P4HA3: variants seen among roughly 807,000 people sequenced by gnomAD.
P4HA3 encodes the protein prolyl 4-hydroxylase subunit alpha 3.
P4HA3 carries 60 observed loss-of-function variants against 66.7 expected under a neutral mutation model. The observed-to-expected ratio is 0.90, with a 90% CI of 0.73 to 1.12. The LOEUF is 1.12. Among genes scored for constraint, P4HA3 ranks in the 50% most tolerant of loss-of-function variants. The pLI is 0.00. For synonymous variants in P4HA3, 263 were observed against 274.6 expected (o/e 0.96, Z 0.42); for missense variants, 683 against 685.8 (o/e 1.00, Z 0.05).
intron 4 of P4HA3, 124 bp downstream of exon 4, chr11:74,298,088 C>A: frequency 8.3e-7 from 1 of 1,203,076 alleles, no homozygotes; most frequent in Non-Finnish European, 1.1e-6. Flanking sequence ...CCCTGCTTGG[C>A]TCAGTTTGGT....
chr11:74,295,245 T>C (rs1466327496), intron 4 of P4HA3, among the ~76,000 whole-genome samples: 1 of 152,114 alleles, frequency 6.6e-6, no homozygotes, highest in African/African-American at 2.4e-5. Context: ...ACAAAGTTAG[T>C]GGAGGGAAGC....
At chr11:74,297,966 A>T (rs1429960795) in intron 4 of P4HA3, among the ~76,000 whole-genome samples, 1 of 152,230 alleles carries the variant, frequency 6.6e-6, no homozygotes, top group African/African-American at 2.4e-5. Context: ...TGCATTGGAA[A>T]GAGCACTGGA....
intron 3 of P4HA3, among the ~76,000 whole-genome samples, chr11:74,298,930 G>A (rs987933380): frequency 1.3e-5 from 2 of 152,230 alleles, no homozygotes; most frequent in Non-Finnish European, 2.9e-5. Context: ...AGTCTTGAAT[G>A]TCATATTTTT....
chr11:74,305,759 A>C, intron 1 of P4HA3, among the ~76,000 whole-genome samples: 1 of 152,312 alleles, frequency 6.6e-6, no homozygotes. Flanking sequence ...TTTTTTTCTC[A>C]TCATTCTATA....
At chr11:74,297,584 A>G (rs577682957) in intron 4 of P4HA3, among the ~76,000 whole-genome samples, 1 of 152,310 alleles carries the variant, frequency 6.6e-6, no homozygotes, top group East Asian at 1.9e-4. Flanking sequence ...GTTTATTGGC[A>G]GCTGCTTTAT....
chr11:74,296,133 G>A lies in P4HA3; in HGVS notation c.717+2079C>T, dbSNP rs534719382. ...TTATCCAGTAAGTAGCATGTGCCACGCACGCATTCTGTTAAGGGCTTTGCC... is the reference window on the plus strand; with the variant it reads ...TTATCCAGTAAGTAGCATGTGCCACACACGCATTCTGTTAAGGGCTTTGCC... On this transcript the variant is annotated intron_variant, in intron 4 of 12. Transcript: ENST00000331597. Among the ~76,000 whole-genome samples the A allele has an allele frequency of 9.9e-5, 15 of 152,258 alleles. No homozygotes were observed. The South Asian group carries it at 1.2e-3, about 13-fold the overall frequency.
At chr11:74,257,052 T>C (rs1357775600) in intron 15 of P4HA3, among the ~76,000 whole-genome samples, 3 of 152,212 alleles carry the variant, frequency 2.0e-5, no homozygotes, top group South Asian at 2.1e-4. Context: ...AGTGACCACG[T>C]TGTAAGAAGG....
intron 1 of P4HA3, among the ~76,000 whole-genome samples, chr11:74,305,409 TTAA>T (rs1861551164): frequency 6.6e-6 from 1 of 150,960 alleles, no homozygotes; most frequent in South Asian, 2.1e-4. Context: ...TAGTGTAGAT[TTAA>T]TTTTACCCAT....
intron 1 of P4HA3, among the ~76,000 whole-genome samples, chr11:74,310,838 C>T (rs1374137360): frequency 6.6e-6 from 1 of 152,224 alleles, no homozygotes; most frequent in African/African-American, 2.4e-5. Context: ...TGTCACCTGA[C>T]TCCTAACACT....
chr11:74,262,177 C>T (rs941446746), downstream of P4HA3, among the ~76,000 whole-genome samples: 4 of 152,146 alleles, frequency 2.6e-5, no homozygotes, highest in African/African-American at 9.7e-5. Flanking sequence ...AAAACACTGT[C>T]ACCACGCAGG....
chr11:74,266,870 C>T lies in P4HA3; in HGVS notation c.*378G>A, dbSNP rs1032638653. 1 of 760,412 alleles carries T rather than the reference C, an allele frequency of 1.3e-6. No individual in the cohort carries two copies. The highest frequency in any genetic ancestry group is 2.1e-6 in the Non-Finnish European group (1 of 487,270). The allele number at this position is 760,412 out of a possible 1,614,324, so 47.1% of individuals were successfully genotyped here. A position where few individuals can be genotyped will look rare whatever the true frequency, so the allele number is the denominator to read the frequency against. ...TCAGGCTAGCCCCTCCTGCAGGTGT[C>T]CTCATTGCCACTTCTTGGTCCCTGT... On this transcript the variant is annotated 3_prime_UTR_variant, in exon 13 of 13. Coordinates refer to ENST00000331597, the MANE Select transcript of P4HA3 (RefSeq NM_182904.5).
intron 4 of P4HA3, among the ~76,000 whole-genome samples, chr11:74,297,676 G>T (rs189862158): frequency 1.3e-5 from 2 of 152,312 alleles, no homozygotes; most frequent in African/African-American, 4.8e-5. Flanking sequence ...CCTGGAGGAG[G>T]CACTGTGGCT....
At chr11:74,309,815 G>C (rs1044122344) in intron 1 of P4HA3, among the ~76,000 whole-genome samples, 7 of 152,100 alleles carry the variant, frequency 4.6e-5, no homozygotes, top group African/African-American at 1.7e-4. Flanking sequence ...CATACTTAAG[G>C]ACAAGCACCA....
chr11:74,270,513 C>T (rs1860158892), intron 10 of P4HA3, among the ~76,000 whole-genome samples: 1 of 147,108 alleles, frequency 6.8e-6, no homozygotes. Context: ...ATCATTGTAC[C>T]ATCCAGAAAA....
At chr11:74,298,020 T>C (rs1429890453) in intron 4 of P4HA3, among the ~76,000 whole-genome samples, 192 bp downstream of exon 4, 1 of 152,226 alleles carries the variant, frequency 6.6e-6, no homozygotes, top group Non-Finnish European at 1.5e-5. Context: ...GACAAGTTAA[T>C]AGTCTTTTGG....
chr11:74,263,189 A>G (rs1469677091), downstream of P4HA3, among the ~76,000 whole-genome samples: 1 of 152,264 alleles, frequency 6.6e-6, no homozygotes, highest in African/African-American at 2.4e-5. Context: ...AAGGGCAGTG[A>G]GCAGGTCGTC....
intron 7 of P4HA3, 98 bp downstream of exon 7, chr11:74,285,711 G>A: frequency 7.7e-7 from 1 of 1,293,642 alleles, no homozygotes; most frequent in Non-Finnish European, 1.1e-6. Context: ...TTGGCTCTTT[G>A]AGGTGTCTAG....
At chr11:74,280,836 C>G (rs1860567761) in intron 7 of P4HA3, among the ~76,000 whole-genome samples, 1 of 152,180 alleles carries the variant, frequency 6.6e-6, no homozygotes, top group African/African-American at 2.4e-5. Flanking sequence ...GTCCCTCCTG[C>G]TAAACCAGAT....
chr11:74,269,673 G>T lies in P4HA3; in HGVS notation c.1446C>A (p.Asn482Lys). The T allele has an allele frequency of 1.2e-6, 2 of 1,613,896 alleles. No individual in the cohort carries two copies. The change falls in exon 11 of 13, where the codon AAC becomes AAA. Residue 482 changes from asparagine to lysine, a missense_variant. Transcript: ENST00000331597. Reference sequence around the variant, plus strand: ...TCACCCTAACCACAGGCACGCTGAGGTTGGCATAGATGAAGGCTGTGGCTC... The same window carrying T: ...TCACCCTAACCACAGGCACGCTGAGTTTGGCATAGATGAAGGCTGTGGCTC... ...AGGATAFIYA[N>K]LSVPVVRNAA...
Sources: gnomAD v4.1 joint callset for allele counts (sites outside exome capture counted in the v4.1 genomes callset) on GRCh38, gnomAD v4.1.1 for gene constraint, MANE v1.5 for transcripts, NCBI Gene and HGNC (gene_info 2026-07-23, HGNC 2026-07-21) for gene names.